ASB18: variants seen among roughly 807,000 people sequenced by gnomAD.
ASB18 encodes ankyrin repeat and SOCS box containing 18.
A neutral mutation model predicts 33.4 loss-of-function variants in ASB18; 33 were observed. The observed-to-expected ratio is 0.99, with a 90% CI of 0.75 to 1.32. The LOEUF is 1.32. Among genes scored for constraint, ASB18 ranks in the 40% most tolerant of loss-of-function variants. The probability of loss-of-function intolerance (pLI) is 0.00; values close to 1 mark genes in which losing one functional copy is unlikely to be tolerated. For synonymous variants in ASB18, 295 were observed against 307.6 expected, an observed-to-expected ratio of 0.96 and a Z score of 0.43; for missense variants, 694 against 655.5, an observed-to-expected ratio of 1.06 and a Z score of -0.64.
Position 236,221,853 on chromosome 2 carries a change from A to G in ASB18, c.597-6987T>C, listed in dbSNP as rs1008894475. On this transcript the variant is annotated intron_variant, in intron 3 of 5. Transcript: ENST00000409749. The surrounding 1 kb of genome is among the most constrained non-coding windows in gnomAD (Gnocchi z 5.6). ...GGGTGTTATGAGCTCGTCTTGTTGAATTACTGTTACTGCTGCTTTTCCTCC... is the reference window on the plus strand; with the variant it reads ...GGGTGTTATGAGCTCGTCTTGTTGAGTTACTGTTACTGCTGCTTTTCCTCC... Among the ~76,000 whole-genome samples the G allele has an allele frequency of 3.9e-5, 6 of 152,074 alleles. No homozygotes were observed. The highest frequency in any genetic ancestry group is 6.5e-5 in the Admixed American group (1 of 15,278).
In ASB18 at chr2:236,223,874, G is replaced by A. The variant is rs1170995709; in HGVS notation, c.597-9008C>T. Among the ~76,000 whole-genome samples, 1 of 152,020 alleles carries A rather than the reference G, an allele frequency of 6.6e-6. No individual in the cohort carries two copies. The highest frequency in any genetic ancestry group is 1.5e-5 in the Non-Finnish European group (1 of 68,024). On this transcript the variant is annotated intron_variant, in intron 3 of 5. Transcript: ENST00000409749. This position sits in a 1 kb window ranked among gnomAD's most constrained non-coding sequence, Gnocchi z 4.6. ...TAATTCATTCTTTTTTTAAATTGCT[G>A]AGTCATATTCAATTGTATGGATATA...
Position 236,237,575 on chromosome 2 carries a change from C to CCGGAGGCGGGGGCTGGGACGGAGG in ASB18, c.596+90_596+113dup. On this transcript the variant is annotated intron_variant, in intron 3 of 5. Coordinates refer to ENST00000409749, the MANE Select transcript of ASB18 (RefSeq NM_212556.4). The surrounding 1 kb of genome is among the most constrained non-coding windows in gnomAD (Gnocchi z 6.2). ...AGAGTCAAGGGTGCAGGGTCTGGGT[C>CCGGAGGCGGGGGCTGGGACGGAGG]CGGAGGCGGGGGCTGGGACGGAGGC... 1 of 867,082 alleles carries CCGGAGGCGGGGGCTGGGACGGAGG rather than the reference C, an allele frequency of 1.2e-6. No homozygotes were observed. The highest frequency in any genetic ancestry group is 1.6e-6 in the Non-Finnish European group (1 of 631,130). 53.7% of individuals were successfully genotyped at this position (867,082 alleles called of 1,614,324 possible). A position where few individuals can be genotyped will look rare whatever the true frequency, so the allele number is the denominator to read the frequency against.
chr2:236,222,025 C>T lies in ASB18; in HGVS notation c.597-7159G>A, dbSNP rs1322536456. Among the ~76,000 whole-genome samples the T allele has an allele frequency of 6.6e-6, 1 of 152,094 alleles. No homozygotes were observed. The highest frequency in any genetic ancestry group is 1.5e-5 in the Non-Finnish European group (1 of 68,012). On this transcript the variant is annotated intron_variant, in intron 3 of 5. Transcript: ENST00000409749. The surrounding 1 kb of genome is among the most constrained non-coding windows in gnomAD (Gnocchi z 5.5). ...GGGGAGCCTTGGGAGGAAAACAGAG[C>T]CGTGTTTTCTAACGAAGCTGCTGCA...
rs2060707293 is a variant in ASB18 at position 236,259,303 on chromosome 2, A to G, written c.205+4838T>C. Among the ~76,000 whole-genome samples, 1 of 152,210 alleles carries G rather than the reference A, an allele frequency of 6.6e-6. No individual in the cohort carries two copies. Among genetic ancestry groups the G allele is most frequent in the Non-Finnish European group, 1.5e-5 (1 of 68,048 alleles). On this transcript the variant is annotated intron_variant, in intron 1 of 5. Coordinates refer to ENST00000409749, the MANE Select transcript of ASB18 (RefSeq NM_212556.4). This position sits in a 1 kb window ranked among gnomAD's most constrained non-coding sequence, Gnocchi z 4.4. ...AAAGGAGCTTAGCTCTTCCATGCCA[A>G]TCACTGCACCCAGAGTCCAAGCTTT... is the stretch of plus-strand genomic sequence containing the variant.
At position 236,259,342 on chromosome 2, in the gene ASB18, T is replaced by G. The variant is rs2060707541; in HGVS notation, c.205+4799A>C. On this transcript the variant is annotated intron_variant, in intron 1 of 5. Coordinates refer to ENST00000409749, the MANE Select transcript of ASB18 (RefSeq NM_212556.4). The surrounding 1 kb of genome is among the most constrained non-coding windows in gnomAD (Gnocchi z 4.4). ...AGTCCAAGCTTTCTCTCAGGGTTAATACCCTGTGCTAGGCTCTGGATATAA... is the reference window on the plus strand; with the variant it reads ...AGTCCAAGCTTTCTCTCAGGGTTAAGACCCTGTGCTAGGCTCTGGATATAA... Among the ~76,000 whole-genome samples the G allele has an allele frequency of 6.6e-6, 1 of 152,206 alleles. No individual in the cohort carries two copies. The highest frequency in any genetic ancestry group is 1.5e-5 in the Non-Finnish European group (1 of 68,032).
chr2:236,262,829 AG>A lies in ASB18; in HGVS notation c.205+1311del, dbSNP rs2060725669. Among the ~76,000 whole-genome samples the A allele has an allele frequency of 6.6e-6, 1 of 152,124 alleles. No individual in the cohort carries two copies. The highest frequency in any genetic ancestry group is 2.1e-4 in the South Asian group (1 of 4,830). On this transcript the variant is annotated intron_variant, in intron 1 of 5. Transcript: ENST00000409749. The surrounding 1 kb of genome is among the most constrained non-coding windows in gnomAD (Gnocchi z 5.2). ...GAAGCAAGAGAAGGTTCCTCCCTAA[AG>A]CGACTTGCTTAAGTCCCCACTGAAA...
At chr2:236,212,707 C>T (rs1466207) in intron 4 of ASB18, among the ~76,000 whole-genome samples, 27,298 of 152,130 alleles carry the variant, frequency 0.18, 2,481 homozygotes, top group East Asian at 0.26. Context: ...TCACTGCAGC[C>T]TCCACATCCT....
rs1345772313 is a variant in ASB18, at chr2:236,196,029, G to C, written c.1215+243C>G. 1 of 526,848 alleles carries C rather than the reference G, an allele frequency of 1.9e-6. No individual in the cohort carries two copies. Among genetic ancestry groups the C allele is most frequent in the Non-Finnish European group, 3.5e-6 (1 of 285,734 alleles). The allele number at this position is 526,848 out of a possible 1,614,324, so 32.6% of individuals were successfully genotyped here. Reference sequence around the variant, plus strand: ...GTTAAGGAACCCTCGCGCTTTTCAGGCCAGCACGGGGCTCTGAGCTCCTTG... The same window carrying C: ...GTTAAGGAACCCTCGCGCTTTTCAGCCCAGCACGGGGCTCTGAGCTCCTTG... On this transcript the variant is annotated intron_variant, in intron 5 of 5. Coordinates refer to ENST00000409749, the MANE Select transcript of ASB18 (RefSeq NM_212556.4). This position sits in a 1 kb window ranked among gnomAD's most constrained non-coding sequence, Gnocchi z 5.6.
rs1343475223 is a variant in ASB18 at position 236,223,089 on chromosome 2, T to C, written c.597-8223A>G. On this transcript the variant is annotated intron_variant, in intron 3 of 5. Coordinates refer to ENST00000409749, the MANE Select transcript of ASB18 (RefSeq NM_212556.4). The surrounding 1 kb of genome is among the most constrained non-coding windows in gnomAD (Gnocchi z 4.6). ...CTGTGTGGTGTGCCTGCTTGCTGTT[T>C]GCCTTCTGCCATGAGTAAAAAGCTT... Among the ~76,000 whole-genome samples, 5 of 152,206 alleles carry C rather than the reference T, an allele frequency of 3.3e-5. No individual in the cohort carries two copies. The highest frequency in any genetic ancestry group is 1.2e-4 in the African/African-American group (5 of 41,444).
Position 236,264,130 on chromosome 2 carries a change from G to GT in ASB18, c.205+10dup. On this transcript the variant is annotated intron_variant, in intron 1 of 5. Coordinates refer to ENST00000409749, the MANE Select transcript of ASB18 (RefSeq NM_212556.4). This position sits in a 1 kb window ranked among gnomAD's most constrained non-coding sequence, Gnocchi z 5.1. ...ATTAAATCCCAGATGCAGCAGGCTC[G>GT]TTCTGGTTACCTAGCAGCATGCCGG... is the stretch of plus-strand genomic sequence containing the variant. 6.2e-7 allele frequency: 1 copy of GT among 1,612,680 alleles called. No homozygotes were observed. Among genetic ancestry groups the GT allele is most frequent in the South Asian group, 1.1e-5 (1 of 90,936 alleles).
intron 3 of ASB18, among the ~76,000 whole-genome samples, chr2:236,236,232 A>G (rs2060588199): frequency 6.6e-6 from 1 of 152,240 alleles, no homozygotes; most frequent in Non-Finnish European, 1.5e-5. Context: ...GGACACACAC[A>G]GCAACACAGA....
rs1214238628 is a variant in ASB18, at chr2:236,222,897, G to A, written c.597-8031C>T. ...TAGATGGGTGTGGTGGCGCACACCT[G>A]TAGTCCCAGCTACTTGGGAAGCTGA... On this transcript the variant is annotated intron_variant, in intron 3 of 5. Coordinates refer to ENST00000409749, the MANE Select transcript of ASB18 (RefSeq NM_212556.4). The surrounding 1 kb of genome is among the most constrained non-coding windows in gnomAD (Gnocchi z 5.5). Among the ~76,000 whole-genome samples, 2 of 152,198 alleles carry A rather than the reference G, an allele frequency of 1.3e-5. No homozygotes were observed. The highest frequency in any genetic ancestry group is 6.5e-5 in the Admixed American group (1 of 15,286).
rs1389488379 is a variant in ASB18, at chr2:236,237,988, G to C, written c.329-32C>G. ...GGAGGGAGGTGGGATGTAAGGTCAG[G>C]GGGAGGTTAGTTGTGGTGGTGGTGG... On this transcript the variant is annotated intron_variant, in intron 2 of 5. Coordinates refer to ENST00000409749, the MANE Select transcript of ASB18 (RefSeq NM_212556.4). This position sits in a 1 kb window ranked among gnomAD's most constrained non-coding sequence, Gnocchi z 6.2. 16 of 1,450,552 alleles carry C rather than the reference G, an allele frequency of 1.1e-5. No individual in the cohort carries two copies. The highest frequency in any genetic ancestry group is 1.4e-5 in the Non-Finnish European group (16 of 1,110,036). The allele number at this position is 1,450,552 out of a possible 1,614,324, so 89.9% of individuals were successfully genotyped here. A position where few individuals can be genotyped will look rare whatever the true frequency, so the allele number is the denominator to read the frequency against.
In ASB18 at chr2:236,214,410, C is replaced by T; in HGVS notation, c.1053G>A (p.Ala351=). The T allele has an allele frequency of 6.4e-7, 1 of 1,570,840 alleles. No homozygotes were observed. The highest frequency in any genetic ancestry group is 8.6e-7 in the Non-Finnish European group (1 of 1,164,668). ...LQASPQRTVQ[A]LLNHGSPTVW... ...CGGTGGGAGAGCCGTGGTTGAGCAG[C>T]GCCTGCACCGTGCGCTGCGGTGAGG... Residue 351 remains alanine (A), a synonymous_variant, in exon 4 of 6, where the codon GCG becomes GCA. Transcript: ENST00000409749. The surrounding 1 kb of genome is among the most constrained non-coding windows in gnomAD (Gnocchi z 6.5).
rs1443649699 is a variant in ASB18, at chr2:236,203,648, T to A, written c.1102-7263A>T. Reference sequence around the variant, plus strand: ...TGGGAAGCCAAGGCAGGCAGATGACTTGAGTCTAGGAGTTTGAGACTAGCC... The same window carrying A: ...TGGGAAGCCAAGGCAGGCAGATGACATGAGTCTAGGAGTTTGAGACTAGCC... On this transcript the variant is annotated intron_variant, in intron 4 of 5. Coordinates refer to ENST00000409749, the MANE Select transcript of ASB18 (RefSeq NM_212556.4). The surrounding 1 kb of genome is among the most constrained non-coding windows in gnomAD (Gnocchi z 6.0). Among the ~76,000 whole-genome samples, 4 of 152,080 alleles carry A rather than the reference T, an allele frequency of 2.6e-5. No homozygotes were observed. Among genetic ancestry groups the A allele is most frequent in the Non-Finnish European group, 5.9e-5 (4 of 68,010 alleles).
Position 236,238,550 on chromosome 2 carries a change from A to G in ASB18, c.329-594T>C, listed in dbSNP as rs2060607014. ...CAAGTGGCTGAGTTTTCAGAAGCAC[A>G]CTTTGATGTGGTGGTCCACATTCAG... On this transcript the variant is annotated intron_variant, in intron 2 of 5. Coordinates refer to ENST00000409749, the MANE Select transcript of ASB18 (RefSeq NM_212556.4). The surrounding 1 kb of genome is among the most constrained non-coding windows in gnomAD (Gnocchi z 5.2). 6.6e-6 allele frequency among the ~76,000 whole-genome samples: 1 copy of G among 152,074 alleles called. No homozygotes were observed. Among genetic ancestry groups the G allele is most frequent in the Admixed American group, 6.6e-5 (1 of 15,266 alleles).
In ASB18 at chr2:236,218,760, T is replaced by C. The variant is rs2060498811; in HGVS notation, c.597-3894A>G. 2.2e-5 allele frequency among the ~76,000 whole-genome samples: 3 copies of C among 134,280 alleles called. No homozygotes were observed. In the South Asian group the frequency reaches 7.2e-4, roughly 32 times the overall value. The allele number at this position is 134,280 out of a possible 152,430, so 88.1% of individuals were successfully genotyped here. ...TTGCAGTGAGCCAAGATCACACCAC[T>C]GCACTCTAGCCTGAGTGACAGAATG... On this transcript the variant is annotated intron_variant, in intron 3 of 5. Transcript: ENST00000409749.
rs2060600307 is a variant in ASB18, at chr2:236,237,557, AGGGTGCAGGGTCT to A, written c.596+119_596+131del. On this transcript the variant is annotated intron_variant, in intron 3 of 5. Coordinates refer to ENST00000409749, the MANE Select transcript of ASB18 (RefSeq NM_212556.4). This position sits in a 1 kb window ranked among gnomAD's most constrained non-coding sequence, Gnocchi z 6.2. ...TCTGGGGATCCAGTGGGCAGAGTCA[AGGGTGCAGGGTCT>A]GGGTCCGGAGGCGGGGGCTGGGACG... 4.7e-6 allele frequency: 3 copies of A among 637,858 alleles called. No homozygotes were observed. In the East Asian group the frequency reaches 1.1e-4, roughly 24 times the overall value. The allele number at this position is 637,858 out of a possible 1,614,324, so 39.5% of individuals were successfully genotyped here.
chr2:236,207,826 T>TC (rs1445544780), intron 4 of ASB18, among the ~76,000 whole-genome samples: 1 of 151,994 alleles, frequency 6.6e-6, no homozygotes, highest in Admixed American at 6.5e-5. Context: ...TGACTTTTTT[T>TC]TTTTTTTTTT....
Sources: gnomAD v4.1 joint callset for allele counts (sites outside exome capture counted in the v4.1 genomes callset) on GRCh38, gnomAD v4.1.1 for gene constraint, Gnocchi (gnomAD v3.1) non-coding constraint, MANE v1.5 for transcripts, NCBI Gene and HGNC (gene_info 2026-07-23, HGNC 2026-07-21) for gene names.